Variants in ADGRA1 observed in about 807,000 individuals in gnomAD.
ADGRA1 encodes adhesion G protein-coupled receptor A1.
A neutral mutation model predicts 21.3 loss-of-function variants in ADGRA1; 12 were observed. That is an observed-to-expected ratio of 0.56 (90% CI 0.36 to 0.91). The LOEUF (loss-of-function observed/expected upper bound fraction) is 0.91. ADGRA1 is among the 40% of genes least tolerant of loss of function. The probability of loss-of-function intolerance (pLI) is 0.01; values close to 1 mark genes in which losing one functional copy is unlikely to be tolerated. For missense variants in ADGRA1, 790 were observed against 805.6 expected, an observed-to-expected ratio of 0.98 and a Z score of 0.23; for synonymous variants, 385 against 368.8, an observed-to-expected ratio of 1.04 and a Z score of -0.50.
At position 133,129,565 on chromosome 10, in the gene ADGRA1, C is replaced by A; in HGVS notation, c.*54C>A. 6.9e-7 allele frequency: 1 copy of A among 1,459,674 alleles called. No homozygotes were observed. The highest frequency in any genetic ancestry group is 1.3e-5 in the South Asian group (1 of 75,844). The allele number at this position is 1,459,674 out of a possible 1,614,324, so 90.4% of individuals were successfully genotyped here. ...AGGAGCTTCAGAGCAGAGTGGGGGG[C>A]CCATCTGCCACATGAGGTCACTGGG... On this transcript the variant is annotated 3_prime_UTR_variant, in exon 7 of 7. Coordinates refer to ENST00000392607, the MANE Select transcript of ADGRA1 (RefSeq NM_001083909.3).
chr10:133,099,602 G>A (rs971877723), intron 4 of ADGRA1, among the ~76,000 whole-genome samples: 1 of 152,174 alleles, frequency 6.6e-6, no homozygotes, highest in African/African-American at 2.4e-5. Flanking sequence ...CAGAGCTCAT[G>A]GTGGAGACCC....
intron 5 of ADGRA1, among the ~76,000 whole-genome samples, chr10:133,107,582 T>C (rs1329976376): frequency 6.6e-6 from 1 of 152,238 alleles, no homozygotes; most frequent in East Asian, 1.9e-4. Flanking sequence ...TCTTGTGGTA[T>C]AAAATCAGAT....
At chr10:133,104,519 G>A (rs573871894) in intron 5 of ADGRA1, among the ~76,000 whole-genome samples, 218 of 152,298 alleles carry the variant, frequency 1.4e-3, no homozygotes, top group African/African-American at 5.0e-3. Context: ...ACTGACCGGC[G>A]GACCCAGCGA....
rs545497938 is a variant in ADGRA1 at position 133,102,928 on chromosome 10, C to T, written c.401+86C>T. On this transcript the variant is annotated intron_variant, in intron 5 of 6. Transcript: ENST00000392607. ...TCTGGGTCTTGGCAAACCTTCTCAC[C>T]AGGCCACCAGGGGCCTGAGGATGAT... is the stretch of plus-strand genomic sequence containing the variant. 4 of 1,405,120 alleles carry T rather than the reference C, an allele frequency of 2.8e-6. No individual in the cohort carries two copies. In the South Asian group the frequency reaches 5.4e-5, roughly 19 times the overall value. 87.0% of individuals were successfully genotyped at this position (1,405,120 alleles called of 1,614,324 possible).
intron 2 of ADGRA1, chr10:133,095,568 C>T (rs947151566): frequency 6.2e-6 from 9 of 1,442,342 alleles, no homozygotes; most frequent in African/African-American, 5.7e-5. Context: ...CCCTCCGGTG[C>T]CCGCCTGGCC....
chr10:133,110,177 A>G (rs997293636), intron 5 of ADGRA1, among the ~76,000 whole-genome samples: 49 of 152,188 alleles, frequency 3.2e-4, no homozygotes, highest in Admixed American at 1.3e-4. Flanking sequence ...GCAGGTGGGG[A>G]GGATCCACAC....
In ADGRA1 at chr10:133,116,419, C is replaced by T. The variant is rs556612600; in HGVS notation, c.402-10814C>T. ...TCCAGGCTTTGTCAGCGCCCCACCCCCACCCCCCGCCACCACCCACGGTCC... is the reference window on the plus strand; with the variant it reads ...TCCAGGCTTTGTCAGCGCCCCACCCTCACCCCCCGCCACCACCCACGGTCC... On this transcript the variant is annotated intron_variant, in intron 5 of 6. Transcript: ENST00000392607. 3.4e-5 allele frequency among the ~76,000 whole-genome samples: 5 copies of T among 147,656 alleles called. No individual in the cohort carries two copies. The East Asian group carries it at 1.0e-3, about 30-fold the overall frequency.
chr10:133,098,690 T>C lies in ADGRA1; in HGVS notation c.182T>C (p.Phe61Ser). The C allele has an allele frequency of 6.2e-7, 1 of 1,611,668 alleles. No individual in the cohort carries two copies. The change falls in exon 4 of 7, where the codon TTC becomes TCC. Residue 61 changes from phenylalanine (F) to serine (S), a missense_variant. Around this residue, in one of 3 missense-constraint regions of ADGRA1, gnomAD observed 382 missense variants for 415.6 expected, o/e 0.92. Transcript: ENST00000392607. ...KGRHTLLNFC[F>S]HAALTFTVFA... ...CGGCACACGCTCCTGAATTTCTGCT[T>C]CCACGCGGCCCTGACCTTCACTGTG...
At chr10:133,094,525 C>T (rs971333999) in intron 2 of ADGRA1, among the ~76,000 whole-genome samples, 8 of 152,168 alleles carry the variant, frequency 5.3e-5, no homozygotes, top group Non-Finnish European at 8.8e-5. Context: ...CCAGGGAGGC[C>T]GTGAGAGGAC....
At chr10:133,117,472 A>C (rs1852181238) in intron 5 of ADGRA1, among the ~76,000 whole-genome samples, 1 of 152,158 alleles carries the variant, frequency 6.6e-6, no homozygotes, top group South Asian at 2.1e-4. Flanking sequence ...GGTCCGGTGC[A>C]CTGTGGACGT....
In ADGRA1 at chr10:133,130,501, A is replaced by G. The variant is rs1397606116; in HGVS notation, c.*990A>G. 6.6e-6 allele frequency: 1 copy of G among 152,204 alleles called. No homozygotes were observed. The highest frequency in any genetic ancestry group is 1.9e-4 in the East Asian group (1 of 5,194). The allele number at this position is 152,204 out of a possible 1,614,324, so 9.4% of individuals were successfully genotyped here. A position where few individuals can be genotyped will look rare whatever the true frequency, so the allele number is the denominator to read the frequency against. ...CATCTGGGTACCAAGCCCTGACTCA[A>G]AGGACAGATGTGGATGACAGCAAGA... On this transcript the variant is annotated 3_prime_UTR_variant, in exon 7 of 7. Coordinates refer to ENST00000392607, the MANE Select transcript of ADGRA1 (RefSeq NM_001083909.3).
chr10:133,103,238 G>A lies in ADGRA1; in HGVS notation c.401+396G>A, dbSNP rs913341082. Among the ~76,000 whole-genome samples the A allele has an allele frequency of 4.6e-5, 7 of 152,318 alleles. No individual in the cohort carries two copies. In the East Asian group the frequency reaches 1.2e-3, roughly 25 times the overall value. ...CCTCCTGTGCTACCGAGTTGCTGGC[G>A]TGAGACCCTCTATGCCCCGCAGGGC... On this transcript the variant is annotated intron_variant, in intron 5 of 6. Transcript: ENST00000392607.
At chr10:133,104,131 G>A (rs945829647) in intron 5 of ADGRA1, among the ~76,000 whole-genome samples, 1 of 152,234 alleles carries the variant, frequency 6.6e-6, no homozygotes, top group Non-Finnish European at 1.5e-5. Flanking sequence ...ATACAGCCAC[G>A]TCCTGTATTG....
intron 5 of ADGRA1, among the ~76,000 whole-genome samples, chr10:133,116,972 G>T (rs1028513432): frequency 6.6e-6 from 1 of 152,114 alleles, no homozygotes; most frequent in Admixed American, 6.5e-5. Flanking sequence ...TCTCACCATC[G>T]CTGTCCCCAT....
intron 4 of ADGRA1, among the ~76,000 whole-genome samples, chr10:133,099,677 C>G (rs1001567949): frequency 3.9e-5 from 6 of 152,194 alleles, no homozygotes. Flanking sequence ...ACAAGAGGAC[C>G]TGCCCGGAGC....
At chr10:133,095,598 G>T in intron 2 of ADGRA1, 1 of 1,545,292 alleles carries the variant, frequency 6.5e-7, no homozygotes, top group South Asian at 1.2e-5. Flanking sequence ...CGAACCCTGG[G>T]GCAGGGGCCC....
chr10:133,089,439 G>A (rs1054463178), intron 2 of ADGRA1, among the ~76,000 whole-genome samples: 2 of 152,246 alleles, frequency 1.3e-5, no homozygotes, highest in African/African-American at 4.8e-5. Flanking sequence ...AGCGGGAAGG[G>A]GCTCGTGGCT....
At chr10:133,089,184 C>T in intron 2 of ADGRA1, 1 of 520,910 alleles carries the variant, frequency 1.9e-6, no homozygotes, top group Non-Finnish European at 3.0e-6. Context: ...TCAATGGAGG[C>T]GACGTCCCTC....
At position 133,128,871 on chromosome 10, in the gene ADGRA1, G is replaced by T; in HGVS notation, c.1043G>T (p.Gly348Val). Reference sequence around the variant, plus strand: ...CGCGCCGCCTGCCTGCACTCGCCGGGACTGGGCCAGCCACGGGGCTTCGCG... The same window carrying T: ...CGCGCCGCCTGCCTGCACTCGCCGGTACTGGGCCAGCCACGGGGCTTCGCG... ...LGRAACLHSPGLGQPRGFAHP... is the reference protein window; with the variant it reads ...LGRAACLHSPVLGQPRGFAHP... The change falls in exon 7 of 7, where the codon GGA (glycine) becomes GTA (valine). Residue 348 changes from glycine to valine, a missense_variant. Around this residue, in one of 3 missense-constraint regions of ADGRA1, gnomAD observed 391 missense variants for 351.5 expected, o/e 1.11. Transcript: ENST00000392607. 2 of 1,574,998 alleles carry T rather than the reference G, an allele frequency of 1.3e-6. No homozygotes were observed. The highest frequency in any genetic ancestry group is 1.8e-5 in the Admixed American group (1 of 55,888).
Sources: allele counts gnomAD v4.1 joint callset (sites outside exome capture counted in the v4.1 genomes callset), GRCh38; gene constraint gnomAD v4.1.1; regional missense constraint gnomAD v4.1.1; transcripts MANE v1.5; gene names NCBI Gene and HGNC (gene_info 2026-07-23, HGNC 2026-07-21).